The following LNX2 variants were observed in gnomAD, a reference collection of about 807,000 sequenced individuals.
LNX2 encodes ligand of numb-protein X 2.
In LNX2, 35 loss-of-function variants were observed where a neutral mutation model predicts 66.2. That is an observed-to-expected ratio of 0.53 (90% CI 0.40 to 0.70). The LOEUF (loss-of-function observed/expected upper bound fraction) is 0.70, where lower values mean the gene tolerates loss of function less well. LNX2 is among the 30% of genes least tolerant of loss of function. The pLI, the probability that LNX2 is intolerant of heterozygous loss-of-function variation, is 0.00. For missense variants in LNX2, 791 were observed against 850.8 expected, an observed-to-expected ratio of 0.93 and a Z score of 0.87; for synonymous variants, 337 against 315.6, an observed-to-expected ratio of 1.07 and a Z score of -0.72.
intron 1 of LNX2, among the ~76,000 whole-genome samples, chr13:27,607,817 G>A (rs1004466224): frequency 2.6e-5 from 4 of 152,222 alleles, no homozygotes; most frequent in African/African-American, 9.6e-5. Context: ...GACACCATTT[G>A]ATTCCTTTGG....
At chr13:27,573,639 C>G (rs185934321) in intron 2 of LNX2, among the ~76,000 whole-genome samples, 74 of 152,032 alleles carry the variant, frequency 4.9e-4, no homozygotes, top group African/African-American at 1.8e-3. Flanking sequence ...GCATGCCCCA[C>G]CATGCACACA....
At chr13:27,549,636 A>G (rs1167621841) in intron 9 of LNX2, among the ~76,000 whole-genome samples, 2 of 152,236 alleles carry the variant, frequency 1.3e-5, no homozygotes, top group South Asian at 4.1e-4. Context: ...ATAATAAAGA[A>G]ACTTACCTCA....
chr13:27,608,206 G>T (rs1955738303), intron 1 of LNX2, among the ~76,000 whole-genome samples: 1 of 152,220 alleles, frequency 6.6e-6, no homozygotes, highest in Non-Finnish European at 1.5e-5. Context: ...ATGTTTGCTT[G>T]AAACTATTCT....
chr13:27,564,359 C>T (rs924338300), intron 4 of LNX2, among the ~76,000 whole-genome samples: 1 of 117,282 alleles, frequency 8.5e-6, no homozygotes, highest in Non-Finnish European at 1.8e-5. Flanking sequence ...CATTTTTGAG[C>T]TAAATGTATT....
intron 2 of LNX2, among the ~76,000 whole-genome samples, chr13:27,569,499 T>C (rs1955251280): frequency 2.0e-5 from 3 of 152,198 alleles, no homozygotes. Flanking sequence ...TGGTTTGGTA[T>C]GTATCCAAAG....
At chr13:27,604,371 A>C (rs1358744874) in intron 1 of LNX2, among the ~76,000 whole-genome samples, 1 of 152,236 alleles carries the variant, frequency 6.6e-6, no homozygotes, top group Non-Finnish European at 1.5e-5. Flanking sequence ...ACTCCATGCA[A>C]ATGGCTCCTC....
In LNX2 at chr13:27,567,828, G is replaced by A. The variant is rs1192942911; in HGVS notation, c.667C>T (p.Pro223Ser). Residue 223 changes from proline (P) to serine (S), a missense_variant, in exon 4 of 10, where the codon CCA becomes TCA. Pro to Ser is a moderately conservative substitution (Grantham distance 74). Transcript: ENST00000316334. Reference protein sequence around the residue: ...ESAGADTTQQPLSLPEGEITT... With the variant: ...ESAGADTTQQSLSLPEGEITT... ...ATTTCTCCTTCTGGTAAACTAAGTG[G>A]CTGTTGTGTGGCTGCCAAGTTAAAA... is the stretch of plus-strand genomic sequence containing the variant. 2.5e-6 allele frequency: 4 copies of A among 1,613,786 alleles called. No homozygotes were observed. The Admixed American group carries it at 6.7e-5, about 27-fold the overall frequency.
chr13:27,599,052 C>T (rs542567390), intron 1 of LNX2, among the ~76,000 whole-genome samples: 6 of 152,240 alleles, frequency 3.9e-5, no homozygotes, highest in Middle Eastern at 3.4e-3. Flanking sequence ...AAAATTGACA[C>T]TACTTTTTGT....
In LNX2 at chr13:27,548,231, A is replaced by G; in HGVS notation, c.*104T>C. On this transcript the variant is annotated 3_prime_UTR_variant, in exon 10 of 10. Transcript: ENST00000316334. ...AGTGGGTTTTGGCCCTGTGTATACC[A>G]GCAGTGTCAGCAGCTCCTAAACCAC... The G allele has an allele frequency of 9.3e-7, 1 of 1,075,370 alleles. No homozygotes were observed. Among genetic ancestry groups the G allele is most frequent in the Non-Finnish European group, 1.4e-6 (1 of 729,268 alleles). The allele number at this position is 1,075,370 out of a possible 1,614,324, so 66.6% of individuals were successfully genotyped here. A position where few individuals can be genotyped will look rare whatever the true frequency, so the allele number is the denominator to read the frequency against.
At position 27,559,960 on chromosome 13, in the gene LNX2, G is replaced by A. The variant is rs189923982; in HGVS notation, c.1250C>T (p.Thr417Ile). Residue 417 changes from threonine to isoleucine, a missense_variant, in exon 6 of 10, where the codon ACA (threonine) becomes ATA (isoleucine). Physicochemically the swap from Thr to Ile is moderately conservative, Grantham distance 89. Transcript: ENST00000316334. ...IQASGERVNL[T>I]IARPGKPQPG... is the part of the protein sequence containing the mutation. ...CTGGGGTTTCCCTGGTCTAGCAATT[G>A]TTAAATTCACTCTCTCTCCACTGGC... 46 of 1,607,964 alleles carry A rather than the reference G, an allele frequency of 2.9e-5. No individual in the cohort carries two copies. The African/African-American group carries it at 3.9e-4, about 14-fold the overall frequency.
chr13:27,602,868 T>A (rs1955674206), intron 1 of LNX2, among the ~76,000 whole-genome samples: 1 of 152,216 alleles, frequency 6.6e-6, no homozygotes, highest in Admixed American at 6.5e-5. Context: ...CATTGTGTTA[T>A]GTGTGATCAA....
At chr13:27,589,745 A>C (rs997289452) in intron 1 of LNX2, among the ~76,000 whole-genome samples, 3 of 152,240 alleles carry the variant, frequency 2.0e-5, no homozygotes, top group Non-Finnish European at 4.4e-5. Flanking sequence ...TGTTACCTTA[A>C]TTTGGAAACA....
chr13:27,613,493 C>T (rs139246411), intron 1 of LNX2, among the ~76,000 whole-genome samples: 235 of 152,276 alleles, frequency 1.5e-3, no homozygotes, highest in African/African-American at 5.4e-3. Flanking sequence ...GGAAGCAGGC[C>T]GGGCGTGGTG....
intron 2 of LNX2, among the ~76,000 whole-genome samples, chr13:27,576,933 A>C (rs928072402): frequency 2.6e-5 from 4 of 152,198 alleles, no homozygotes; most frequent in African/African-American, 7.2e-5. Flanking sequence ...CAAAAGCATA[A>C]GCAAACAACA....
At position 27,548,131 on chromosome 13, in the gene LNX2, G is replaced by A. The variant is rs1382503123; in HGVS notation, c.*204C>T. On this transcript the variant is annotated 3_prime_UTR_variant, in exon 10 of 10. Coordinates refer to ENST00000316334, the MANE Select transcript of LNX2 (RefSeq NM_153371.4). ...AAAATATAAACTCACAAAGGTTAGT[G>A]GAAGACTGTTTCCAAGCTAAAAGAA... is the stretch of plus-strand genomic sequence containing the variant. 22 of 541,388 alleles carry A rather than the reference G, an allele frequency of 4.1e-5. No homozygotes were observed. The highest frequency in any genetic ancestry group is 2.5e-4 in the Admixed American group (7 of 28,364). The allele number at this position is 541,388 out of a possible 1,614,324, so 33.5% of individuals were successfully genotyped here.
intron 1 of LNX2, among the ~76,000 whole-genome samples, chr13:27,591,816 G>A (rs1419327158): frequency 6.6e-6 from 1 of 152,198 alleles, no homozygotes; most frequent in Non-Finnish European, 1.5e-5. Context: ...GCAAGGCAGG[G>A]AAGTCACAGT....
Position 27,559,998 on chromosome 13 carries a change from C to A in LNX2, c.1225-13G>T. ...TCTCTCCACTGGCCTGGAGAAAACA[C>A]AAATACATTACCATAAGTGACTAAT... On this transcript the variant is annotated splice_polypyrimidine_tract_variant and intron_variant, in intron 5 of 9. Coordinates refer to ENST00000316334, the MANE Select transcript of LNX2 (RefSeq NM_153371.4). The A allele has an allele frequency of 6.3e-7, 1 of 1,583,824 alleles. No individual in the cohort carries two copies. The highest frequency in any genetic ancestry group is 1.8e-5 in the Admixed American group (1 of 55,162).
intron 1 of LNX2, among the ~76,000 whole-genome samples, chr13:27,614,312 C>A (rs1955804394): frequency 6.6e-6 from 1 of 152,188 alleles, no homozygotes; most frequent in Non-Finnish European, 1.5e-5. Flanking sequence ...AACATCACTA[C>A]TGGAGAAACT....
chr13:27,596,634 T>C (rs568749158), intron 1 of LNX2, among the ~76,000 whole-genome samples: 99 of 152,312 alleles, frequency 6.5e-4, no homozygotes, highest in African/African-American at 2.2e-3. Flanking sequence ...ATTACATTCT[T>C]TACTCTTACC....
Sources: allele counts gnomAD v4.1 joint callset (sites outside exome capture counted in the v4.1 genomes callset), GRCh38; gene constraint gnomAD v4.1.1; transcripts MANE v1.5; gene names NCBI Gene and HGNC (gene_info 2026-07-23, HGNC 2026-07-21).